The following TASOR variants were observed in gnomAD, a reference collection of about 807,000 sequenced individuals.
The protein encoded by TASOR is transcription activation suppressor.
TASOR carries 53 observed loss-of-function variants against 178.6 expected under a neutral mutation model. The ratio of observed to expected loss-of-function variants is 0.30; its 90% CI spans 0.24 to 0.37. TASOR has a LOEUF of 0.37. Ranked by LOEUF, TASOR falls within the 10% of genes least tolerant of loss-of-function variation. TASOR has a pLI of 1.00. For missense variants in TASOR, 1,815 were observed against 1,971.4 expected, an observed-to-expected ratio of 0.92 and a Z score of 1.50; for synonymous variants, 713 against 696.2, an observed-to-expected ratio of 1.02 and a Z score of -0.38.
rs1473999264 is a variant in TASOR at position 56,620,544 on chromosome 3, T to C, written c.*2493A>G. Reference sequence around the variant, plus strand: ...GTGTTTAAAAGTGCCCTTTTCCATGTCGTCATGTACCAATACCCTCTGCAT... The same window carrying C: ...GTGTTTAAAAGTGCCCTTTTCCATGCCGTCATGTACCAATACCCTCTGCAT... On this transcript the variant is annotated 3_prime_UTR_variant, in exon 24 of 24. Coordinates refer to ENST00000683822, the MANE Select transcript of TASOR (RefSeq NM_001365635.2). The C allele has an allele frequency of 1.3e-5, 2 of 152,242 alleles. No homozygotes were observed. The highest frequency in any genetic ancestry group is 1.3e-4 in the Admixed American group (2 of 15,284). 9.4% of individuals were successfully genotyped at this position (152,242 alleles called of 1,614,324 possible).
chr3:56,631,213 A>T (rs1038169384), intron 18 of TASOR, among the ~76,000 whole-genome samples: 3 of 152,166 alleles, frequency 2.0e-5, no homozygotes, highest in African/African-American at 4.8e-5. Flanking sequence ...TGACTCATGT[A>T]ATTTCTATGT....
chr3:56,626,611 C>T (rs758306258), intron 21 of TASOR, among the ~76,000 whole-genome samples: 1 of 151,950 alleles, frequency 6.6e-6, no homozygotes, highest in Non-Finnish European at 1.5e-5. Context: ...GGCATGGTGG[C>T]GGGCGCCTGT....
intron 1 of TASOR, among the ~76,000 whole-genome samples, chr3:56,678,366 AGAGT>A (rs2031505951): frequency 6.6e-6 from 1 of 151,650 alleles, no homozygotes; most frequent in African/African-American, 2.4e-5. Flanking sequence ...TATTTTTAAT[AGAGT>A]CAGGGTTTCA....
intron 1 of TASOR, among the ~76,000 whole-genome samples, chr3:56,674,593 A>G (rs1308507194): frequency 6.6e-6 from 1 of 152,164 alleles, no homozygotes; most frequent in Non-Finnish European, 1.5e-5. Flanking sequence ...TATTATGACA[A>G]CTTAGTAAAA....
At chr3:56,678,876 T>G (rs1010015536) in intron 1 of TASOR, among the ~76,000 whole-genome samples, 1 of 151,918 alleles carries the variant, frequency 6.6e-6, no homozygotes, top group African/African-American at 2.4e-5. Flanking sequence ...CTGGGCGTGG[T>G]GGCACATGCC....
In TASOR at chr3:56,624,827, C is replaced by A. The variant is rs1206163046; in HGVS notation, c.4318+1G>T. On this transcript the variant is annotated splice_donor_variant, in intron 22 of 23. Transcript: ENST00000683822. LOFTEE classifies it high-confidence loss of function. ...AGAAAGCTTAGGAGTGCTCTCTTTA[C>A]CTGTTAAAAAGACTATGTGTCGTTG... is the stretch of plus-strand genomic sequence containing the variant. 3 of 1,613,746 alleles carry A rather than the reference C, an allele frequency of 1.9e-6. No individual in the cohort carries two copies. Among genetic ancestry groups the A allele is most frequent in the Non-Finnish European group, 2.5e-6 (3 of 1,179,806 alleles).
Position 56,677,114 on chromosome 3 carries a change from G to A in TASOR, c.332-3389C>T, listed in dbSNP as rs78704657. On this transcript the variant is annotated intron_variant, in intron 1 of 23. Transcript: ENST00000683822. ...AATTTATTAAGTTCATGTTCTGAAT[G>A]TACATTTTCTGGTAGTCTATTTTAT... 2.8e-3 allele frequency among the ~76,000 whole-genome samples: 423 copies of A among 152,264 alleles called. 11 individuals are homozygous for A. The East Asian group carries it at 0.064, about 23-fold the overall frequency.
At chr3:56,681,750 C>T (rs2031810816) in intron 1 of TASOR, among the ~76,000 whole-genome samples, 1 of 152,106 alleles carries the variant, frequency 6.6e-6, no homozygotes, top group East Asian at 1.9e-4. Flanking sequence ...AATAATACCC[C>T]AATAACAAAA....
At position 56,662,509 on chromosome 3, in the gene TASOR, A is replaced by G; in HGVS notation, c.1055-19T>C. On this transcript the variant is annotated intron_variant, in intron 8 of 23. Coordinates refer to ENST00000683822, the MANE Select transcript of TASOR (RefSeq NM_001365635.2). Reference sequence around the variant, plus strand: ...TATTTATCTAAATAAAAAGAATATAATGACACAGCTTAGTCACTTGGCAGC... The same window carrying G: ...TATTTATCTAAATAAAAAGAATATAGTGACACAGCTTAGTCACTTGGCAGC... 1 of 1,275,680 alleles carries G rather than the reference A, an allele frequency of 7.8e-7. No homozygotes were observed. Among genetic ancestry groups the G allele is most frequent in the East Asian group, 2.6e-5 (1 of 38,978 alleles). 79.0% of individuals were successfully genotyped at this position (1,275,680 alleles called of 1,614,324 possible).
rs563042721 is a variant in TASOR, at chr3:56,639,784, G to C, written c.2764+202C>G. ...TCCCTGTTTTTAAGGTGATTTTGCA[G>C]GTGCTTGCTGATGCTGACCAAGAAC... On this transcript the variant is annotated intron_variant, in intron 16 of 23. Transcript: ENST00000683822. 1.5e-3 allele frequency among the ~76,000 whole-genome samples: 234 copies of C among 152,278 alleles called. 1 individual carries two copies. The highest frequency in any genetic ancestry group is 5.4e-3 in the African/African-American group (226 of 41,548).
At chr3:56,624,267 TAACTTAC>T (rs1298762678) in intron 23 of TASOR, among the ~76,000 whole-genome samples, 2 of 152,212 alleles carry the variant, frequency 1.3e-5, no homozygotes, top group Admixed American at 6.5e-5. Flanking sequence ...TAATCTATAA[TAACTTAC>T]AACTTACACT....
chr3:56,657,936 G>C (rs953539), intron 11 of TASOR, among the ~76,000 whole-genome samples: 1,852 of 152,314 alleles, frequency 0.012, 41 homozygotes, highest in African/African-American at 0.042. Flanking sequence ...CTCAGGACAA[G>C]TGGCTTAGGC....
intron 7 of TASOR, among the ~76,000 whole-genome samples, chr3:56,665,170 GAAAAA>G (rs575160627): frequency 5.3e-5 from 8 of 149,846 alleles, no homozygotes; most frequent in Non-Finnish European, 8.9e-5. Flanking sequence ...CTCTAAAGAG[GAAAAA>G]AAAAGAAACA....
rs1446127845 is a variant in TASOR at position 56,683,138 on chromosome 3, C to T, written c.-132G>A. 2.8e-6 allele frequency: 3 copies of T among 1,065,020 alleles called. No individual in the cohort carries two copies. Among genetic ancestry groups the T allele is most frequent in the Non-Finnish European group, 3.9e-6 (3 of 764,558 alleles). The allele number at this position is 1,065,020 out of a possible 1,614,324, so 66.0% of individuals were successfully genotyped here. On this transcript the variant is annotated 5_prime_UTR_variant, in exon 1 of 24. Coordinates refer to ENST00000683822, the MANE Select transcript of TASOR (RefSeq NM_001365635.2). ...ACCCCCTTCCCCCCGTGGCCTCAGG[C>T]TGCGCTCCCGACCTGGCAGCCTCTT...
At chr3:56,676,670 G>A (rs879363700) in intron 1 of TASOR, among the ~76,000 whole-genome samples, 2 of 152,166 alleles carry the variant, frequency 1.3e-5, no homozygotes, top group Non-Finnish European at 2.9e-5. Context: ...TCTATGAAAT[G>A]TTAGTCTACA....
chr3:56,643,095 C>A (rs1427063822), intron 14 of TASOR, among the ~76,000 whole-genome samples: 3 of 151,678 alleles, frequency 2.0e-5, no homozygotes, highest in Non-Finnish European at 4.4e-5. Context: ...GAAACCCTGT[C>A]TCTACTAAAA....
In TASOR at chr3:56,670,333, AACCATATCTAG is replaced by A. The variant is rs1312993552; in HGVS notation, c.571-199_571-189del. 1.3e-3 allele frequency among the ~76,000 whole-genome samples: 192 copies of A among 152,278 alleles called. 2 individuals are homozygous for A. The highest frequency in any genetic ancestry group is 6.0e-3 in the South Asian group (29 of 4,822). On this transcript the variant is annotated intron_variant, in intron 3 of 23. Coordinates refer to ENST00000683822, the MANE Select transcript of TASOR (RefSeq NM_001365635.2). ...AAAACTGACTTACACTTCTCAAAGTAACCATATCTAGAATCCATTTTTCTTCATTTTAATTT... is the reference window on the plus strand; with the variant it reads ...AAAACTGACTTACACTTCTCAAAGTAAATCCATTTTTCTTCATTTTAATTT...
chr3:56,671,620 G>A lies in TASOR; in HGVS notation c.550C>T (p.Leu184=). 1.9e-6 allele frequency: 3 copies of A among 1,548,976 alleles called. No homozygotes were observed. Among genetic ancestry groups the A allele is most frequent in the Non-Finnish European group, 2.6e-6 (3 of 1,145,686 alleles). Residue 184 remains leucine, a synonymous_variant, in exon 3 of 24, where the codon CTG becomes TTG. Transcript: ENST00000683822. Reference sequence around the variant, plus strand: ...CTCACCTGGTATCGATCAACCATCAGAAATGCATAGGATTCTGAAAGTTCC... The same window carrying A: ...CTCACCTGGTATCGATCAACCATCAAAAATGCATAGGATTCTGAAAGTTCC... ...DKELSESYAF[L]MVDRYQVQTI...
rs3732506 is a variant in TASOR, at chr3:56,623,169, T to A, written c.4881A>T (p.Ser1627=). The A allele has an allele frequency of 2.5e-6, 4 of 1,613,826 alleles. No homozygotes were observed. Among genetic ancestry groups the A allele is most frequent in the Admixed American group, 1.7e-5 (1 of 60,018 alleles). The stretch of plus-strand genomic sequence containing the variant: ...TCTCATTTTCTTGAGACTGACTTGA[T>A]GAAAGGGCATATGGTGTCCCCAAAA... ...QTFLGTPYAL[S]SSQSQENENY... is the part of the protein sequence containing the mutation. The change falls in exon 24 of 24, where the codon TCA becomes TCT. Residue 1627 remains serine (S), a synonymous_variant. Transcript: ENST00000683822.
Sources: gnomAD v4.1 joint callset for allele counts (sites outside exome capture counted in the v4.1 genomes callset) on GRCh38, gnomAD v4.1.1 for gene constraint, MANE v1.5 for transcripts, NCBI Gene and HGNC (gene_info 2026-07-23, HGNC 2026-07-21) for gene names.